ADGRB3: variants seen among roughly 807,000 people sequenced by gnomAD.
ADGRB3 encodes brain-specific angiogenesis inhibitor 3.
In ADGRB3, 37 loss-of-function variants were observed where a neutral mutation model predicts 193.4. That is an observed-to-expected ratio of 0.19 (90% CI 0.15 to 0.25). The LOEUF is 0.25. Among genes scored for constraint, ADGRB3 ranks in the 10% least tolerant of loss-of-function variants. ADGRB3 has a pLI of 1.00. For missense variants in ADGRB3, 1,637 were observed against 1,852.9 expected (o/e 0.88, Z 2.14); for synonymous variants, 690 against 644.2 (o/e 1.07, Z -1.08).
intron 5 of ADGRB3, among the ~76,000 whole-genome samples, chr6:68,942,341 C>G (rs1245497697): frequency 6.6e-6 from 1 of 152,124 alleles, no homozygotes; most frequent in Non-Finnish European, 1.5e-5. Flanking sequence ...AAAAAATGAA[C>G]TTTTTGGGGA....
At chr6:68,684,561 A>G (rs1310900941) in intron 3 of ADGRB3, among the ~76,000 whole-genome samples, 1 of 152,098 alleles carries the variant, frequency 6.6e-6, no homozygotes, top group African/African-American at 2.4e-5. Flanking sequence ...TGTCTGGCCT[A>G]CTTTTAATTA....
At chr6:68,757,590 T>C (rs1766320814) in intron 3 of ADGRB3, among the ~76,000 whole-genome samples, 1 of 152,148 alleles carries the variant, frequency 6.6e-6, no homozygotes, top group African/African-American at 2.4e-5. Context: ...TTCAGTGCTG[T>C]GTCCCTTCAT....
intron 3 of ADGRB3, among the ~76,000 whole-genome samples, chr6:68,806,689 A>C (rs1000559892): frequency 1.9e-4 from 29 of 151,908 alleles, no homozygotes; most frequent in African/African-American, 7.0e-4. Context: ...ACACATAATA[A>C]GAATATGTAT....
chr6:69,243,157 A>G (rs1291191414), intron 20 of ADGRB3, among the ~76,000 whole-genome samples: 2 of 151,954 alleles, frequency 1.3e-5, no homozygotes, highest in African/African-American at 4.8e-5. Flanking sequence ...TAACCACCCA[A>G]GAAGTTCAAA....
At chr6:68,865,682 A>G (rs73747812) in intron 3 of ADGRB3, among the ~76,000 whole-genome samples, 4,572 of 152,178 alleles carry the variant, frequency 0.03, 204 homozygotes, top group African/African-American at 0.1. Flanking sequence ...TCCATTCTCA[A>G]AATTCTCATG....
chr6:69,157,774 A>G (rs551439329), intron 17 of ADGRB3, among the ~76,000 whole-genome samples: 1 of 152,234 alleles, frequency 6.6e-6, no homozygotes, highest in African/African-American at 2.4e-5. Flanking sequence ...TGAAATGAGA[A>G]ATTGATGGTT....
intron 10 of ADGRB3, among the ~76,000 whole-genome samples, chr6:68,984,659 A>AT (rs1282325217): frequency 1.3e-5 from 2 of 152,198 alleles, no homozygotes; most frequent in African/African-American, 4.8e-5. Context: ...ATATTATAAC[A>AT]TTTTTATATG....
At chr6:69,362,319 T>C (rs1264210816) in intron 29 of ADGRB3, among the ~76,000 whole-genome samples, 1 of 152,002 alleles carries the variant, frequency 6.6e-6, no homozygotes, top group East Asian at 1.9e-4. Flanking sequence ...GCCACTTGTT[T>C]TAGTATAATA....
At chr6:69,343,128 C>A (rs1769012883) in intron 26 of ADGRB3, among the ~76,000 whole-genome samples, 1 of 141,280 alleles carries the variant, frequency 7.1e-6, no homozygotes, top group South Asian at 2.2e-4. Context: ...GTGTATGGAG[C>A]CTAATTTATT....
intron 6 of ADGRB3, among the ~76,000 whole-genome samples, chr6:68,949,859 T>G (rs894607567): frequency 3.3e-5 from 5 of 152,122 alleles, no homozygotes; most frequent in African/African-American, 1.2e-4. Context: ...CTTTTACCAT[T>G]TAATATTTTT....
chr6:69,018,421 G>A lies in ADGRB3; in HGVS notation c.2029G>A (p.Val677Met). The stretch of plus-strand genomic sequence containing the variant: ...TCCAGGGTCAATAGAGTTAATGCAG[G>A]TGATTGAAGATTTTATACACATTGT... ...IYPGSIELMQ[V>M]IEDFIHIVGM... Residue 677 changes from valine (V) to methionine (M), a missense_variant, in exon 13 of 32, where the codon GTG (valine) becomes ATG (methionine). This residue lies in a region of ADGRB3 where 641 missense variants were observed against 673.9 expected (regional missense o/e 0.95). Coordinates refer to ENST00000370598, the MANE Select transcript of ADGRB3 (RefSeq NM_001704.3). 2.5e-6 allele frequency: 4 copies of A among 1,607,584 alleles called. No individual in the cohort carries two copies. The highest frequency in any genetic ancestry group is 2.2e-5 in the East Asian group (1 of 44,636).
At chr6:68,707,875 C>CT (rs1765350972) in intron 3 of ADGRB3, among the ~76,000 whole-genome samples, 1 of 152,182 alleles carries the variant, frequency 6.6e-6, no homozygotes, top group Non-Finnish European at 1.5e-5. Context: ...GACAATTAGA[C>CT]TAAGTCCATT....
At chr6:68,858,759 C>T (rs182149252) in intron 3 of ADGRB3, among the ~76,000 whole-genome samples, 13 of 152,284 alleles carry the variant, frequency 8.5e-5, no homozygotes, top group African/African-American at 2.2e-4. Context: ...TGACCCCTTT[C>T]AGCTGCAGAT....
chr6:69,268,441 T>G (rs1767096068), intron 20 of ADGRB3, among the ~76,000 whole-genome samples: 1 of 152,186 alleles, frequency 6.6e-6, no homozygotes, highest in Non-Finnish European at 1.5e-5. Context: ...CAGTTGAATT[T>G]ATTGCTGTTC....
intron 3 of ADGRB3, among the ~76,000 whole-genome samples, chr6:68,889,248 C>CA (rs1365121747): frequency 6.6e-6 from 1 of 152,136 alleles, no homozygotes; most frequent in Non-Finnish European, 1.5e-5. Flanking sequence ...ATTCAGACTT[C>CA]ATTTAATTCA....
At chr6:69,080,379 C>T (rs978722650) in intron 17 of ADGRB3, among the ~76,000 whole-genome samples, 2 of 151,868 alleles carry the variant, frequency 1.3e-5, no homozygotes, top group African/African-American at 4.8e-5. Flanking sequence ...AGGGAATAAC[C>T]AAATGATAAA....
intron 16 of ADGRB3, among the ~76,000 whole-genome samples, chr6:69,070,684 C>G (rs982310127): frequency 6.6e-6 from 1 of 152,164 alleles, no homozygotes; most frequent in South Asian, 2.1e-4. Flanking sequence ...GGTTTAGCCT[C>G]AACCTTAACA....
intron 3 of ADGRB3, among the ~76,000 whole-genome samples, chr6:68,677,521 C>CTTTTTTTTTTTTTTTTTTTTTGTT (rs1002070733): frequency 8.3e-6 from 1 of 120,336 alleles, no homozygotes; most frequent in African/African-American, 3.1e-5. Context: ...TTCTTTTTTT[C>CTTTTTTTTTTTTTTTTTTTTTGTT]TTTTTTTTTT....
At chr6:68,706,736 C>T (rs1397779945) in intron 3 of ADGRB3, among the ~76,000 whole-genome samples, 1 of 152,214 alleles carries the variant, frequency 6.6e-6, no homozygotes, top group African/African-American at 2.4e-5. Flanking sequence ...GTTAGTGTTA[C>T]TACAGGCATA....
Sources: gnomAD v4.1 joint callset for allele counts (sites outside exome capture counted in the v4.1 genomes callset) on GRCh38, gnomAD v4.1.1 for gene constraint, gnomAD v4.1.1 regional missense constraint, MANE v1.5 for transcripts, NCBI Gene and HGNC (gene_info 2026-07-23, HGNC 2026-07-21) for gene names.